MRPL1: variants seen among roughly 807,000 people sequenced by gnomAD.
MRPL1 encodes mitochondrial ribosomal protein L1, also known as large ribosomal subunit protein uL1m.
MRPL1 carries 28 observed loss-of-function variants against 38.0 expected under a neutral mutation model. The ratio of observed to expected loss-of-function variants is 0.74; its 90% CI spans 0.55 to 1.01. The LOEUF is 1.01. MRPL1 is among the 50% of genes least tolerant of loss of function. The pLI is 0.00. For synonymous variants in MRPL1, 123 were observed against 126.7 expected (o/e 0.97, Z 0.20); for missense variants, 358 against 389.8 (o/e 0.92, Z 0.69).
chr4:77,921,143 T>C (rs1736566105), intron 7 of MRPL1, among the ~76,000 whole-genome samples: 1 of 152,226 alleles, frequency 6.6e-6, no homozygotes, highest in South Asian at 2.1e-4. Context: ...CTACATGTGC[T>C]GGCATCTCCT....
intron 7 of MRPL1, among the ~76,000 whole-genome samples, chr4:77,929,728 G>T (rs370751558): frequency 6.6e-6 from 1 of 150,794 alleles, no homozygotes; most frequent in African/African-American, 2.5e-5. Flanking sequence ...GCCTGTTTTT[G>T]TATGGCCTGT....
intron 7 of MRPL1, among the ~76,000 whole-genome samples, chr4:77,914,261 A>C (rs533824355): frequency 2.0e-5 from 3 of 152,288 alleles, no homozygotes; most frequent in South Asian, 4.2e-4. Flanking sequence ...TATTCAGAAA[A>C]AGCAAAAGTA....
intron 7 of MRPL1, among the ~76,000 whole-genome samples, chr4:77,937,067 A>C (rs1216184040): frequency 6.6e-6 from 1 of 152,052 alleles, no homozygotes; most frequent in Non-Finnish European, 1.5e-5. Context: ...CGAGGCTGTA[A>C]TGAGGTGTGT....
intron 6 of MRPL1, among the ~76,000 whole-genome samples, chr4:77,905,545 C>CA (rs1736140365): frequency 1.7e-5 from 2 of 117,246 alleles, no homozygotes; most frequent in East Asian, 2.4e-4. Context: ...GGTCATTAAA[C>CA]AGATGAAATA....
chr4:77,892,641 A>G (rs1735832137), intron 5 of MRPL1, among the ~76,000 whole-genome samples: 1 of 152,188 alleles, frequency 6.6e-6, no homozygotes. Flanking sequence ...ATTTAAAGGA[A>G]CATGTCATAG....
intron 1 of MRPL1, among the ~76,000 whole-genome samples, chr4:77,869,493 G>A (rs1483470932): frequency 1.3e-5 from 2 of 152,084 alleles, no homozygotes; most frequent in African/African-American, 4.8e-5. Flanking sequence ...GGTTTCTTTT[G>A]GTCTGTAGTG....
At chr4:77,906,013 T>C (rs1295723982) in intron 6 of MRPL1, among the ~76,000 whole-genome samples, 1 of 152,206 alleles carries the variant, frequency 6.6e-6, no homozygotes, top group Non-Finnish European at 1.5e-5. Context: ...ATTTAGAAGT[T>C]ATCAGTGGAT....
chr4:77,938,798 G>A (rs1737050991), intron 7 of MRPL1, among the ~76,000 whole-genome samples: 1 of 152,114 alleles, frequency 6.6e-6, no homozygotes, highest in South Asian at 2.1e-4. Context: ...ATAAGCATAT[G>A]CACCTAAACC....
In MRPL1 at chr4:77,949,804, T is replaced by C; in HGVS notation, c.785T>C (p.Met262Thr). ...FLQTKIATLD[M>T]SSDQIAANLQ... ...TATATTATTTTCTTTCAGTTGGATA[T>C]GTCAAGTGACCAGATAGCTGCCAAT... Residue 262 changes from methionine to threonine, a missense_variant, in exon 8 of 9, where the codon ATG (methionine) becomes ACG (threonine). Met to Thr is a moderately conservative substitution (Grantham distance 81, BLOSUM62 -1). Transcript: ENST00000315567. 6.2e-7 allele frequency: 1 copy of C among 1,603,094 alleles called. No homozygotes were observed. The highest frequency in any genetic ancestry group is 1.7e-4 in the Middle Eastern group (1 of 6,032).
intron 7 of MRPL1, among the ~76,000 whole-genome samples, chr4:77,945,717 C>T (rs1333108205): frequency 6.6e-6 from 1 of 151,940 alleles, no homozygotes; most frequent in Non-Finnish European, 1.5e-5. Context: ...GACCGTGATG[C>T]CCACCTGAGC....
chr4:77,889,484 G>A (rs1388259344), intron 5 of MRPL1, among the ~76,000 whole-genome samples: 1 of 152,180 alleles, frequency 6.6e-6, no homozygotes, highest in African/African-American at 2.4e-5. Context: ...TTGAAGCAGT[G>A]TGTAGAGAGA....
intron 5 of MRPL1, 120 bp downstream of exon 5, chr4:77,887,411 T>G: frequency 1.2e-6 from 1 of 847,734 alleles, no homozygotes; most frequent in Admixed American, 2.7e-5. Flanking sequence ...TAATAGGTCT[T>G]TATAAGAGCA....
chr4:77,869,326 T>G (rs189922874), intron 1 of MRPL1, among the ~76,000 whole-genome samples: 85 of 152,308 alleles, frequency 5.6e-4, no homozygotes, highest in African/African-American at 2.0e-3. Flanking sequence ...TGAGGGCTAT[T>G]TTCTCTGAAG....
chr4:77,892,192 C>T (rs113674329), intron 5 of MRPL1, among the ~76,000 whole-genome samples: 14 of 151,194 alleles, frequency 9.3e-5, no homozygotes, highest in African/African-American at 2.7e-4. Flanking sequence ...AGTGCAATGG[C>T]GCAATCTCGG....
intron 8 of MRPL1, among the ~76,000 whole-genome samples, chr4:77,950,487 G>A (rs1737383168): frequency 6.6e-6 from 1 of 152,162 alleles, no homozygotes; most frequent in South Asian, 2.1e-4. Context: ...GCTGCTTGAA[G>A]CCAAGCAAGG....
chr4:77,866,286 A>G (rs1244094617), intron 1 of MRPL1, among the ~76,000 whole-genome samples: 2 of 152,194 alleles, frequency 1.3e-5, no homozygotes, highest in Non-Finnish European at 1.5e-5. Context: ...TCCTGACCTC[A>G]GGTGATCCAC....
chr4:77,949,638 G>GTGGC (rs1445416890), intron 7 of MRPL1, among the ~76,000 whole-genome samples, 159 bp from the exon 8 acceptor site: 3 of 152,150 alleles, frequency 2.0e-5, no homozygotes, highest in Admixed American at 6.5e-5. Context: ...ACATGTAAAT[G>GTGGC]TGGCATTCGA....
intron 4 of MRPL1, among the ~76,000 whole-genome samples, chr4:77,886,262 G>T (rs1185283981): frequency 2.0e-5 from 3 of 152,050 alleles, no homozygotes; most frequent in African/African-American, 7.2e-5. Flanking sequence ...CGGACTCCTG[G>T]GCTGAAGCGA....
intron 5 of MRPL1, among the ~76,000 whole-genome samples, chr4:77,889,947 G>A (rs191207550): frequency 1.7e-3 from 263 of 152,228 alleles, no homozygotes; most frequent in African/African-American, 5.8e-3. Flanking sequence ...TTGAATCCCT[G>A]AATAGACCAA....
Sources: allele counts gnomAD v4.1 joint callset (sites outside exome capture counted in the v4.1 genomes callset), GRCh38; gene constraint gnomAD v4.1.1; transcripts MANE v1.5; gene names NCBI Gene and HGNC (gene_info 2026-07-23, HGNC 2026-07-21).